PVT1: variants seen among roughly 807,000 people sequenced by gnomAD.
PVT1 encodes CXCR4/PVT1 fusion.
chr8:127,860,122 C>A (rs1234348114), intron 2 of PVT1, among the ~76,000 whole-genome samples: 1 of 152,174 alleles, frequency 6.6e-6, no homozygotes, highest in Admixed American at 6.5e-5. Flanking sequence ...AGGGCCACTT[C>A]CTAGAACCAT....
intron 2 of PVT1, among the ~76,000 whole-genome samples, chr8:127,824,621 T>C (rs1814767203): frequency 6.6e-6 from 1 of 152,272 alleles, no homozygotes; most frequent in Non-Finnish European, 1.5e-5. Flanking sequence ...TTTTTCTTTT[T>C]TTCTTTGCAT....
intron 2 of PVT1, among the ~76,000 whole-genome samples, chr8:127,836,039 T>C (rs1814905272): frequency 6.6e-6 from 1 of 152,174 alleles, no homozygotes; most frequent in African/African-American, 2.4e-5. Context: ...GAAAAGCTGA[T>C]TCTCATCCTA....
At chr8:127,914,815 G>GTTTTTTTTT (rs1181623236) in intron 3 of PVT1, among the ~76,000 whole-genome samples, 1 of 130,812 alleles carries the variant, frequency 7.6e-6, no homozygotes. Flanking sequence ...GTTGTTGTTG[G>GTTTTTTTTT]TTTTTTTTTT....
intron 5 of PVT1, among the ~76,000 whole-genome samples, chr8:128,092,873 C>A (rs903520918): frequency 2.6e-5 from 4 of 152,134 alleles, no homozygotes; most frequent in African/African-American, 9.7e-5. Flanking sequence ...AGATCTCCTG[C>A]CATCTATTCA....
chr8:127,972,047 G>A (rs1816770165), intron 3 of PVT1, among the ~76,000 whole-genome samples: 1 of 152,214 alleles, frequency 6.6e-6, no homozygotes, highest in Non-Finnish European at 1.5e-5. Context: ...GGAAAGGCAA[G>A]GCATCTGGCC....
chr8:127,987,539 A>G (rs1816983462), intron 3 of PVT1, among the ~76,000 whole-genome samples: 1 of 152,240 alleles, frequency 6.6e-6, no homozygotes, highest in East Asian at 1.9e-4. Context: ...AGTGCTAATA[A>G]AAGCTGACAT....
chr8:127,809,039 AAAAAAAAAAAAAAAAAG>A (rs1475993800), intron 2 of PVT1, among the ~76,000 whole-genome samples: 2 of 147,244 alleles, frequency 1.4e-5, no homozygotes, highest in East Asian at 3.9e-4. Flanking sequence ...CAAAAAAAAA[AAAAAAAAAAAAAAAAAG>A]AAAGAAAAAA....
chr8:127,932,431 T>C (rs1816217910), intron 3 of PVT1: 1 of 398,662 alleles, frequency 2.5e-6, no homozygotes, highest in Non-Finnish European at 4.4e-6. Flanking sequence ...CGAGAACTAT[T>C]GTCACATGAG....
chr8:127,915,876 G>A (rs1324481438), intron 3 of PVT1, among the ~76,000 whole-genome samples: 2 of 152,220 alleles, frequency 1.3e-5, no homozygotes, highest in Non-Finnish European at 2.9e-5. Flanking sequence ...CTTGGCTCAT[G>A]CCAAGTGCTG....
chr8:127,930,996 C>G (rs889719736), intron 3 of PVT1, among the ~76,000 whole-genome samples: 2 of 152,146 alleles, frequency 1.3e-5, no homozygotes, highest in Non-Finnish European at 2.9e-5. Flanking sequence ...GCCTCAACCT[C>G]CCAGGCTCAA....
chr8:127,855,831 C>T (rs943669539), intron 2 of PVT1, among the ~76,000 whole-genome samples: 5 of 152,186 alleles, frequency 3.3e-5, no homozygotes, highest in Non-Finnish European at 5.9e-5. Context: ...TTCTGAGGAG[C>T]GGAGGCATGA....
At chr8:128,066,719 C>G (rs1813915476) in intron 4 of PVT1, among the ~76,000 whole-genome samples, 1 of 152,200 alleles carries the variant, frequency 6.6e-6, no homozygotes, top group East Asian at 1.9e-4. Flanking sequence ...ACATGCCTGT[C>G]TTCCTACTTT....
At chr8:127,800,895 T>TAG (rs546897173) in intron 2 of PVT1, among the ~76,000 whole-genome samples, 48 of 152,310 alleles carry the variant, frequency 3.2e-4, no homozygotes, top group Non-Finnish European at 6.3e-4. Flanking sequence ...GGAACAGGCC[T>TAG]AGCAGGGTCA....
At chr8:127,938,011 C>G (rs899524984) in intron 3 of PVT1, among the ~76,000 whole-genome samples, 6 of 152,238 alleles carry the variant, frequency 3.9e-5, no homozygotes, top group African/African-American at 1.4e-4. Flanking sequence ...TGGTCTGATT[C>G]TTCCAAGATC....
chr8:128,053,456 T>TTA (rs1368806382), intron 4 of PVT1, among the ~76,000 whole-genome samples: 1 of 149,646 alleles, frequency 6.7e-6, no homozygotes, highest in Non-Finnish European at 1.5e-5. Context: ...TATATGGGTA[T>TTA]TATATATATA....
intron 4 of PVT1, among the ~76,000 whole-genome samples, chr8:128,024,533 G>A (rs573862942): frequency 1.3e-5 from 2 of 152,238 alleles, no homozygotes; most frequent in South Asian, 4.1e-4. Flanking sequence ...GGCTAAGGTG[G>A]GAGGATCACC....
chr8:127,839,815 G>A (rs1346320694), intron 2 of PVT1, among the ~76,000 whole-genome samples: 2 of 152,156 alleles, frequency 1.3e-5, no homozygotes, highest in African/African-American at 4.8e-5. Context: ...GTGGTACAGT[G>A]TTGCCAGGGC....
In PVT1 at chr8:128,002,550, A is replaced by G. The variant is rs1428957560; in HGVS notation, n.912+13259A>G. Among the ~76,000 whole-genome samples, 3 of 152,018 alleles carry G rather than the reference A, an allele frequency of 2.0e-5. No homozygotes were observed. In the East Asian group the frequency reaches 5.8e-4, roughly 29 times the overall value. ...GTTCTCCCTGCAGATGCCCAGAAAA[A>G]TCCTCCCTTTCTCTCTCCCGGCCTC... On this transcript the variant is annotated intron_variant and non_coding_transcript_variant, in intron 4 of 10. Transcript: ENST00000651587.
intron 2 of PVT1, chr8:127,855,165 G>C (rs1032280893): frequency 2.5e-6 from 1 of 398,638 alleles, no homozygotes; most frequent in East Asian, 3.6e-5. Context: ...GACCATAGCT[G>C]TCTGCAGTGC....
Sources: allele counts gnomAD v4.1 joint callset (sites outside exome capture counted in the v4.1 genomes callset), GRCh38; gene constraint gnomAD v4.1.1; transcripts MANE v1.5; gene names NCBI Gene and HGNC (gene_info 2026-07-23, HGNC 2026-07-21).